CACNA1A: variants seen among roughly 807,000 people sequenced by gnomAD.
The protein encoded by CACNA1A is voltage-dependent P/Q-type calcium channel subunit alpha-1A.
Under a neutral mutation model 262.4 loss-of-function variants are expected in CACNA1A, and 57 were observed. The ratio of observed to expected loss-of-function variants is 0.22; its 90% CI spans 0.18 to 0.27. The LOEUF (loss-of-function observed/expected upper bound fraction) is 0.27, where lower values mean the gene tolerates loss of function less well. Ranked by LOEUF, CACNA1A falls within the 10% of genes least tolerant of loss-of-function variation. The pLI is 1.00. For synonymous variants in CACNA1A, 1,431 were observed against 1,419.3 expected (o/e 1.01, Z -0.18); for missense variants, 2,526 against 3,562.8 (o/e 0.71, Z 7.41).
chr19:13,219,711 T>C (rs1483997023), intron 38 of CACNA1A, among the ~76,000 whole-genome samples: 9 of 152,046 alleles, frequency 5.9e-5, no homozygotes, highest in Non-Finnish European at 8.8e-5. Flanking sequence ...TCCCAGCACT[T>C]TGGGAGGCCG....
chr19:13,379,690 C>CCAAGGCTGG (rs1308513821), intron 3 of CACNA1A, among the ~76,000 whole-genome samples: 1 of 152,028 alleles, frequency 6.6e-6, no homozygotes, highest in African/African-American at 2.4e-5. Context: ...CTTTGGGAGG[C>CCAAGGCTGG]CAAGGCTGGC....
intron 19 of CACNA1A, among the ~76,000 whole-genome samples, chr19:13,288,448 C>T (rs368477584): frequency 6.6e-6 from 1 of 152,098 alleles, no homozygotes. Context: ...CCATGTTGCC[C>T]AGGCTGCTTG....
chr19:13,275,536 G>T (rs1347162391), intron 24 of CACNA1A: 2 of 403,416 alleles, frequency 5.0e-6, no homozygotes, highest in East Asian at 4.9e-5. Context: ...TGGAGTAGTA[G>T]GGGGATGAGA....
chr19:13,444,419 G>C (rs2060774879), intron 3 of CACNA1A, among the ~76,000 whole-genome samples: 1 of 152,176 alleles, frequency 6.6e-6, no homozygotes. Context: ...GGTGAAGAAA[G>C]AAAGGAGGTA....
intron 3 of CACNA1A, among the ~76,000 whole-genome samples, chr19:13,387,446 G>A (rs1280489387): frequency 6.6e-6 from 1 of 152,062 alleles, no homozygotes; most frequent in Non-Finnish European, 1.5e-5. Context: ...AGACCCATGG[G>A]GTTAAACTAC....
intron 1 of CACNA1A, among the ~76,000 whole-genome samples, chr19:13,490,828 G>A (rs577566943): frequency 6.9e-6 from 1 of 144,144 alleles, no homozygotes; most frequent in African/African-American, 2.6e-5. Flanking sequence ...AAGAAAGGAA[G>A]GAAGAAGGGA....
intron 22 of CACNA1A, among the ~76,000 whole-genome samples, chr19:13,282,725 A>G (rs768776439): frequency 6.6e-6 from 1 of 152,020 alleles, no homozygotes; most frequent in Non-Finnish European, 1.5e-5. Flanking sequence ...GGATTAAATG[A>G]GATACTGCAT....
At chr19:13,391,664 A>C (rs539445754) in intron 3 of CACNA1A, among the ~76,000 whole-genome samples, 2 of 152,254 alleles carry the variant, frequency 1.3e-5, no homozygotes, top group South Asian at 4.1e-4. Context: ...TGGGAGGCTG[A>C]GACAGGAGGA....
chr19:13,255,142 T>A lies in CACNA1A; in HGVS notation c.4708A>T (p.Thr1570Ser), dbSNP rs750368591. ...TTGAGGGCGATCATGGCCATGATCGTGTACTCGAAAGGCGGAGACACCACG... is the reference window on the plus strand; with the variant it reads ...TTGAGGGCGATCATGGCCATGATCGAGTACTCGAAAGGCGGAGACACCACG... ...QFVVSPPFEYTIMAMIALNTI... is the reference protein window; with the variant it reads ...QFVVSPPFEYSIMAMIALNTI... Residue 1570 changes from threonine to serine, a missense_variant, in exon 29 of 47, where the codon ACG (threonine) becomes TCG (serine). Physicochemically the swap from Thr to Ser is moderately conservative, Grantham distance 58 (BLOSUM62 1). Around this residue, in one of 17 missense-constraint regions of CACNA1A, gnomAD observed 36 missense variants for 47.3 expected, o/e 0.76. Coordinates refer to ENST00000360228, the MANE Select transcript of CACNA1A (RefSeq NM_001127222.2). 6.2e-7 allele frequency: 1 copy of A among 1,613,820 alleles called. No individual in the cohort carries two copies. Among genetic ancestry groups the A allele is most frequent in the Non-Finnish European group, 8.5e-7 (1 of 1,179,820 alleles).
chr19:13,460,203 G>T (rs1305398731), intron 1 of CACNA1A, among the ~76,000 whole-genome samples: 1 of 152,200 alleles, frequency 6.6e-6, no homozygotes, highest in Non-Finnish European at 1.5e-5. Flanking sequence ...GCATCCACCT[G>T]CTGAGTCAGA....
intron 31 of CACNA1A, among the ~76,000 whole-genome samples, chr19:13,243,509 C>T (rs2056136565): frequency 6.6e-6 from 1 of 151,938 alleles, no homozygotes; most frequent in Non-Finnish European, 1.5e-5. Context: ...GCTTTGTGAC[C>T]TTGGGAGTGT....
chr19:13,449,150 T>TA (rs2060870750), intron 3 of CACNA1A, among the ~76,000 whole-genome samples: 2 of 151,568 alleles, frequency 1.3e-5, no homozygotes, highest in South Asian at 4.2e-4. Context: ...GCATTTTTTT[T>TA]ATAGATGGGG....
At chr19:13,247,712 A>AT (rs2056283538) in intron 30 of CACNA1A, among the ~76,000 whole-genome samples, 1 of 80,830 alleles carries the variant, frequency 1.2e-5, no homozygotes, top group Non-Finnish European at 2.3e-5. Context: ...ATAAATAAAT[A>AT]AAAATAAATA....
intron 27 of CACNA1A, 73 bp downstream of exon 27, chr19:13,259,491 C>T: frequency 6.8e-7 from 1 of 1,461,786 alleles, no homozygotes; most frequent in South Asian, 1.3e-5. Flanking sequence ...TTTCTTATTG[C>T]TAAGCTCTCA....
At chr19:13,255,687 TCCTTCCTCCCTCCTTCCTTC>T (rs2056528864) in intron 28 of CACNA1A, among the ~76,000 whole-genome samples, 1 of 62,422 alleles carries the variant, frequency 1.6e-5, no homozygotes, top group Non-Finnish European at 3.7e-5. Flanking sequence ...CCTCCTTCCT[TCCTTCCTCCCTCCTTCCTTC>T]CCTCCCTCCC....
At chr19:13,336,638 A>AGAGAGG (rs1568547656) in intron 6 of CACNA1A, among the ~76,000 whole-genome samples, 5 of 149,764 alleles carry the variant, frequency 3.3e-5, no homozygotes, top group African/African-American at 7.4e-5. Context: ...AGAGAGAGAG[A>AGAGAGG]GAAAAGAATG....
chr19:13,489,186 A>G (rs959457228), intron 1 of CACNA1A, among the ~76,000 whole-genome samples: 7 of 150,224 alleles, frequency 4.7e-5, no homozygotes, highest in Non-Finnish European at 1.0e-4. Context: ...TAATTTTTGT[A>G]TTTTTAGTAG....
In CACNA1A at chr19:13,303,843, C is replaced by T. The variant is rs369129616; in HGVS notation, c.2028G>A (p.Gly676=). 6.8e-6 allele frequency: 11 copies of T among 1,613,680 alleles called. No homozygotes were observed. The highest frequency in any genetic ancestry group is 1.7e-5 in the Admixed American group (1 of 59,996). ...GEDWNEVMYD[G]IKSQGGVQGG... ...CCTGCACGCCCCCCTGAGACTTGAT[C>T]CCGTCGTACATGACCTCGTTCCAGT... The change falls in exon 16 of 47, where the codon GGG becomes GGA. Residue 676 remains glycine, a synonymous_variant. Coordinates refer to ENST00000360228, the MANE Select transcript of CACNA1A (RefSeq NM_001127222.2).
intron 28 of CACNA1A, among the ~76,000 whole-genome samples, chr19:13,255,970 TTCCC>T (rs1169949389): frequency 6.1e-4 from 77 of 125,584 alleles, no homozygotes; most frequent in Non-Finnish European, 9.3e-4. Context: ...ATTTCCTTCC[TTCCC>T]TCCCTCCCTC....
Sources: allele counts gnomAD v4.1 joint callset (sites outside exome capture counted in the v4.1 genomes callset), GRCh38; gene constraint gnomAD v4.1.1; regional missense constraint gnomAD v4.1.1; transcripts MANE v1.5; gene names NCBI Gene and HGNC (gene_info 2026-07-23, HGNC 2026-07-21).